SULT6B1: variants seen among roughly 807,000 people sequenced by gnomAD.
SULT6B1 encodes sulfotransferase family 6B member 1.
SULT6B1 carries 44 observed loss-of-function variants against 37.2 expected under a neutral mutation model. That is an observed-to-expected ratio of 1.18 (90% confidence interval 0.93 to 1.52). The LOEUF is 1.52. Ranked by LOEUF, SULT6B1 falls within the 40% of genes most tolerant of loss-of-function variation. SULT6B1 has a pLI of 0.00. For missense variants in SULT6B1, 450 were observed against 361.0 expected, an observed-to-expected ratio of 1.25 and a Z score of -2.00; for synonymous variants, 140 against 126.0, an observed-to-expected ratio of 1.11 and a Z score of -0.74.
At position 37,187,247 on chromosome 2, in the gene SULT6B1, G is replaced by A; in HGVS notation, c.312+108C>T. 7 of 704,470 alleles carry A rather than the reference G, an allele frequency of 9.9e-6. No individual in the cohort carries two copies. The South Asian group carries it at 1.2e-4, about 12-fold the overall frequency. The allele number at this position is 704,470 out of a possible 1,614,324, so 43.6% of individuals were successfully genotyped here. ...ATATGGTAAGCACACAGTAAATTGTGGTAATTATTAGCATTGCACTTTCTA... is the reference window on the plus strand; with the variant it reads ...ATATGGTAAGCACACAGTAAATTGTAGTAATTATTAGCATTGCACTTTCTA... On this transcript the variant is annotated intron_variant, in intron 2 of 6. Transcript: ENST00000535679.
rs762370166 is a variant in SULT6B1, at chr2:37,175,229, A to G, written c.530-3T>C. The G allele has an allele frequency of 4.4e-5, 69 of 1,557,360 alleles. No homozygotes were observed. Among genetic ancestry groups the G allele is most frequent in the Non-Finnish European group, 5.8e-5 (66 of 1,143,220 alleles). On this transcript the variant is annotated splice_polypyrimidine_tract_variant and splice_region_variant and intron_variant, in intron 4 of 6. Coordinates refer to ENST00000535679, the MANE Select transcript of SULT6B1 (RefSeq NM_001367551.1). Reference sequence around the variant, plus strand: ...ATCAAAATACCTTCCCCAAGAAACTAAAAACACAGGGGGGAAGACTTTAAG... The same window carrying G: ...ATCAAAATACCTTCCCCAAGAAACTGAAAACACAGGGGGGAAGACTTTAAG...
At chr2:37,180,304 A>T (rs1464440804) in intron 3 of SULT6B1, among the ~76,000 whole-genome samples, 3 of 152,258 alleles carry the variant, frequency 2.0e-5, no homozygotes, top group Admixed American at 6.5e-5. Flanking sequence ...AACAGGCAGA[A>T]GTCATTTCAT....
intron 3 of SULT6B1, among the ~76,000 whole-genome samples, chr2:37,181,405 C>T (rs6750763): frequency 0.27 from 41,589 of 151,934 alleles, 6,803 homozygotes; most frequent in East Asian, 0.79. Flanking sequence ...TTTTTCAGAC[C>T]GGGTCTGACT....
chr2:37,185,954 T>A (rs1383702442), intron 2 of SULT6B1, among the ~76,000 whole-genome samples: 2 of 152,130 alleles, frequency 1.3e-5, no homozygotes, highest in Non-Finnish European at 1.5e-5. Flanking sequence ...CAGGTTGGCT[T>A]TGGTACAGGT....
At chr2:37,173,551 C>G (rs13018873) in intron 5 of SULT6B1, among the ~76,000 whole-genome samples, 43,167 of 151,986 alleles carry the variant, frequency 0.28, 6,815 homozygotes, top group Non-Finnish European at 0.35. Flanking sequence ...TTAATGTGTC[C>G]AAAACCAAAC....
In SULT6B1 at chr2:37,188,212, T is replaced by C. The variant is rs7566458; in HGVS notation, c.199+230A>G. Among the ~76,000 whole-genome samples the C allele has an allele frequency of 9.9e-3, 1,513 of 152,246 alleles. 33 individuals carry two copies. The highest frequency in any genetic ancestry group is 0.035 in the African/African-American group (1,434 of 41,540). On this transcript the variant is annotated intron_variant, in intron 1 of 6. Coordinates refer to ENST00000535679, the MANE Select transcript of SULT6B1 (RefSeq NM_001367551.1). Reference sequence around the variant, plus strand: ...ACCCCCTTCTGCCCTCCATCCTCCATCATGGCCTTTCCGCACAGAGCTCTT... The same window carrying C: ...ACCCCCTTCTGCCCTCCATCCTCCACCATGGCCTTTCCGCACAGAGCTCTT...
intron 4 of SULT6B1, among the ~76,000 whole-genome samples, chr2:37,175,552 G>A (rs573276987): frequency 4.6e-5 from 7 of 152,206 alleles, no homozygotes; most frequent in Admixed American, 2.0e-4. Flanking sequence ...CATGAAATCC[G>A]ACAGAGACAA....
chr2:37,175,665 T>G (rs1373736979), intron 4 of SULT6B1, among the ~76,000 whole-genome samples: 1 of 152,134 alleles, frequency 6.6e-6, no homozygotes, highest in African/African-American at 2.4e-5. Context: ...AAGAAACAAA[T>G]GAAATTAATT....
intron 4 of SULT6B1, among the ~76,000 whole-genome samples, chr2:37,176,260 CT>C (rs34578951): frequency 5.6e-4 from 63 of 112,572 alleles, no homozygotes; most frequent in African/African-American, 1.1e-3. Flanking sequence ...CACGCAATAG[CT>C]TTTTTTTTTT....
intron 4 of SULT6B1, among the ~76,000 whole-genome samples, chr2:37,176,551 C>T (rs750941687): frequency 4.6e-5 from 7 of 152,158 alleles, no homozygotes; most frequent in Non-Finnish European, 1.0e-4. Flanking sequence ...TGAGCCACCC[C>T]GCTCGGCCTC....
intron 6 of SULT6B1, among the ~76,000 whole-genome samples, chr2:37,170,596 CT>C (rs1572454025): frequency 6.6e-6 from 1 of 151,740 alleles, no homozygotes; most frequent in African/African-American, 2.4e-5. Flanking sequence ...TGGCAAAACC[CT>C]GTCTCTATTA....
chr2:37,184,598 A>G (rs1402530380), intron 2 of SULT6B1, among the ~76,000 whole-genome samples: 1 of 152,220 alleles, frequency 6.6e-6, no homozygotes, highest in Non-Finnish European at 1.5e-5. Flanking sequence ...AGATGTTTGT[A>G]GCCAATTGTT....
chr2:37,168,694 GAAAGTTA>G (rs1676233553), intron 6 of SULT6B1, among the ~76,000 whole-genome samples: 1 of 152,090 alleles, frequency 6.6e-6, no homozygotes, highest in South Asian at 2.1e-4. Flanking sequence ...AATACCCTTT[GAAAGTTA>G]ACATTTTATA....
chr2:37,171,635 T>C (rs776099935), intron 5 of SULT6B1, 45 bp from the exon 6 acceptor site: 16 of 1,590,244 alleles, frequency 1.0e-5, no homozygotes, highest in Middle Eastern at 2.0e-4. Context: ...CTATGGAAAT[T>C]GTTCTCTGAG....
chr2:37,173,393 G>A (rs935083403), intron 5 of SULT6B1, among the ~76,000 whole-genome samples: 2 of 151,992 alleles, frequency 1.3e-5, no homozygotes, highest in African/African-American at 2.4e-5. Flanking sequence ...ATATACCTAC[G>A]TATATATTTC....
upstream of SULT6B1, among the ~76,000 whole-genome samples, chr2:37,193,637 AAGAAGAAGAAGAAGG>A (rs1676831681): frequency 3.3e-5 from 5 of 149,578 alleles, no homozygotes; most frequent in African/African-American, 7.4e-5. Context: ...GAAGAAGAAG[AAGAAGAAGAAGAAGG>A]AGAAGAAGGA....
chr2:37,187,895 A>G (rs751871754), intron 1 of SULT6B1, among the ~76,000 whole-genome samples: 3 of 152,230 alleles, frequency 2.0e-5, no homozygotes, highest in Non-Finnish European at 2.9e-5. Context: ...GGTTGGCTTT[A>G]GTAAACAACA....
At chr2:37,186,787 T>C (rs1676684159) in intron 2 of SULT6B1, among the ~76,000 whole-genome samples, 1 of 152,032 alleles carries the variant, frequency 6.6e-6, no homozygotes, top group African/African-American at 2.4e-5. Context: ...TCCCAGCTAC[T>C]CAGGAGGGTG....
At chr2:37,188,919 T>C (rs1019436815), upstream of SULT6B1, among the ~76,000 whole-genome samples, 3 of 152,214 alleles carry the variant, frequency 2.0e-5, no homozygotes, top group African/African-American at 7.2e-5. Context: ...AATATCCTAA[T>C]AGAAGAAAAT....
Sources: allele counts gnomAD v4.1 joint callset (sites outside exome capture counted in the v4.1 genomes callset), GRCh38; gene constraint gnomAD v4.1.1; transcripts MANE v1.5; gene names NCBI Gene and HGNC (gene_info 2026-07-23, HGNC 2026-07-21).